The following ECT2L variants were observed in gnomAD, a reference collection of about 807,000 sequenced individuals.
The protein encoded by ECT2L is epithelial cell transforming 2 like.
In ECT2L, 126 loss-of-function variants were observed where a neutral mutation model predicts 122.8. That is an observed-to-expected ratio of 1.03 (90% CI 0.89 to 1.19). The LOEUF (loss-of-function observed/expected upper bound fraction) is 1.19. ECT2L is among the 50% of genes most tolerant of loss of function. The pLI is 0.00. For synonymous variants in ECT2L, 385 were observed against 381.8 expected, an observed-to-expected ratio of 1.01 and a Z score of -0.10; for missense variants, 1,012 against 1,064.1, an observed-to-expected ratio of 0.95 and a Z score of 0.68.
chr6:138,897,335 T>C (rs1779249920), intron 20 of ECT2L, among the ~76,000 whole-genome samples: 2 of 152,084 alleles, frequency 1.3e-5, no homozygotes. Flanking sequence ...AATAAATAAA[T>C]ACAATTAAAA....
chr6:138,823,939 GA>G (rs1422714904), intron 4 of ECT2L: 1 of 455,534 alleles, frequency 2.2e-6, no homozygotes, highest in African/African-American at 2.2e-5. Context: ...GGGGAAGGGG[GA>G]GAAATAAAAG....
chr6:138,865,525 C>T (rs886187993), intron 12 of ECT2L, among the ~76,000 whole-genome samples: 2 of 152,156 alleles, frequency 1.3e-5, no homozygotes, highest in African/African-American at 4.8e-5. Context: ...GCCTCTTATA[C>T]CCCAGCACCT....
At chr6:138,836,157 ATT>A (rs754469815) in intron 4 of ECT2L, among the ~76,000 whole-genome samples, 5 of 151,932 alleles carry the variant, frequency 3.3e-5, no homozygotes, top group Non-Finnish European at 5.9e-5. Context: ...CTAATTAAGT[ATT>A]TTGTACTTAA....
intron 5 of ECT2L, among the ~76,000 whole-genome samples, chr6:138,840,577 G>A (rs905583974): frequency 3.9e-5 from 5 of 127,274 alleles, no homozygotes; most frequent in African/African-American, 1.4e-4. Flanking sequence ...TAAATTCTAG[G>A]TTGGCAGCTA....
chr6:138,881,902 T>C lies in ECT2L; in HGVS notation c.1880+731T>C, dbSNP rs1017027735. 2.0e-5 allele frequency among the ~76,000 whole-genome samples: 3 copies of C among 152,170 alleles called. No individual in the cohort carries two copies. In the South Asian group the frequency reaches 6.2e-4, roughly 31 times the overall value. On this transcript the variant is annotated intron_variant, in intron 15 of 21. Transcript: ENST00000541398. ...TCCTAACAGGCCACAGACTGGTACCTATCCATGGCCTGGGGGTTGGGAACC... is the reference window on the plus strand; with the variant it reads ...TCCTAACAGGCCACAGACTGGTACCCATCCATGGCCTGGGGGTTGGGAACC...
chr6:138,877,650 C>T (rs115577369), intron 14 of ECT2L, among the ~76,000 whole-genome samples: 1,523 of 152,174 alleles, frequency 0.01, 27 homozygotes, highest in African/African-American at 0.035. Context: ...GGAAAATAAA[C>T]AAGAAGAGTT....
chr6:138,875,595 G>A (rs1392131702), intron 13 of ECT2L, among the ~76,000 whole-genome samples: 1 of 152,214 alleles, frequency 6.6e-6, no homozygotes, highest in Non-Finnish European at 1.5e-5. Flanking sequence ...TTAAAAAAAT[G>A]TGCTAAGTTT....
At chr6:138,895,074 C>T (rs928456892) in intron 20 of ECT2L, among the ~76,000 whole-genome samples, 1 of 151,930 alleles carries the variant, frequency 6.6e-6, no homozygotes, top group African/African-American at 2.4e-5. Flanking sequence ...GCCTAGGCAA[C>T]ATAGTTGGAC....
intron 4 of ECT2L, among the ~76,000 whole-genome samples, chr6:138,817,722 TATG>T (rs1172586458): frequency 6.6e-6 from 1 of 152,228 alleles, no homozygotes; most frequent in East Asian, 1.9e-4. Flanking sequence ...AGTGGAATTT[TATG>T]ATATTTAAGA....
At chr6:138,848,855 A>G (rs992008295) in intron 8 of ECT2L, among the ~76,000 whole-genome samples, 2 of 152,160 alleles carry the variant, frequency 1.3e-5, no homozygotes, top group Admixed American at 6.6e-5. Flanking sequence ...GGGTTTCCTC[A>G]TGTTGCCCAG....
intron 4 of ECT2L, among the ~76,000 whole-genome samples, chr6:138,815,395 G>C (rs1336807751): frequency 6.6e-6 from 1 of 152,212 alleles, no homozygotes; most frequent in Non-Finnish European, 1.5e-5. Flanking sequence ...AAATATTCTA[G>C]AGAGCCCTCC....
intron 4 of ECT2L, among the ~76,000 whole-genome samples, chr6:138,830,005 T>G (rs1776593280): frequency 6.6e-6 from 1 of 152,208 alleles, no homozygotes; most frequent in Admixed American, 6.5e-5. Context: ...ATTACAGGCG[T>G]GAGCCACCGC....
At chr6:138,859,205 A>G (rs998526020) in intron 10 of ECT2L, among the ~76,000 whole-genome samples, 2 of 152,242 alleles carry the variant, frequency 1.3e-5, no homozygotes, top group East Asian at 3.9e-4. Flanking sequence ...TTCAATCATT[A>G]TTTTAGATTT....
chr6:138,799,838 A>C (rs1775479626), intron 1 of ECT2L, among the ~76,000 whole-genome samples: 1 of 152,206 alleles, frequency 6.6e-6, no homozygotes, highest in Non-Finnish European at 1.5e-5. Context: ...AGTGTGAGCC[A>C]CTGCATGCCG....
chr6:138,891,173 T>C (rs1289378182), intron 20 of ECT2L, among the ~76,000 whole-genome samples: 3 of 152,210 alleles, frequency 2.0e-5, no homozygotes, highest in Non-Finnish European at 2.9e-5. Flanking sequence ...AATGAACTCC[T>C]TGTAGAAGTA....
At position 138,813,260 on chromosome 6, in the gene ECT2L, T is replaced by C. The variant is rs1775959158; in HGVS notation, c.-15T>C. On this transcript the variant is annotated 5_prime_UTR_variant, in exon 3 of 22. Coordinates refer to ENST00000541398, the MANE Select transcript of ECT2L (RefSeq NM_001077706.3). Reference sequence around the variant, plus strand: ...TGAGACGTCAGCTGGGGATTCTTCCTGGAGAACTCCAGAAATGGAGAGCTT... The same window carrying C: ...TGAGACGTCAGCTGGGGATTCTTCCCGGAGAACTCCAGAAATGGAGAGCTT... The C allele has an allele frequency of 6.2e-7, 1 of 1,604,554 alleles. No homozygotes were observed. Among genetic ancestry groups the C allele is most frequent in the African/African-American group, 1.3e-5 (1 of 74,266 alleles).
chr6:138,820,548 G>A (rs1355349218), intron 4 of ECT2L, among the ~76,000 whole-genome samples: 2 of 151,872 alleles, frequency 1.3e-5, no homozygotes, highest in African/African-American at 2.4e-5. Context: ...ACAGTGAAAG[G>A]AAGAAAAATA....
intron 4 of ECT2L, among the ~76,000 whole-genome samples, chr6:138,821,635 T>C (rs898511430): frequency 2.0e-5 from 3 of 152,176 alleles, no homozygotes; most frequent in Non-Finnish European, 2.9e-5. Context: ...TACATAAGGG[T>C]AAGTAAATGA....
chr6:138,823,109 A>G lies in ECT2L; in HGVS notation c.179+8506A>G. On this transcript the variant is annotated intron_variant, in intron 4 of 21. Transcript: ENST00000541398. ...AAATAACTTCAGCCTTGTACACACTAAACTTTGTCTCTGGAATGCAGTTTC... is the reference window on the plus strand; with the variant it reads ...AAATAACTTCAGCCTTGTACACACTGAACTTTGTCTCTGGAATGCAGTTTC... The G allele has an allele frequency of 2.6e-6, 4 of 1,515,864 alleles. 1 individual carries two copies. The highest frequency in any genetic ancestry group is 3.6e-6 in the Non-Finnish European group (4 of 1,113,172). The allele number at this position is 1,515,864 out of a possible 1,614,324, so 93.9% of individuals were successfully genotyped here. A position where few individuals can be genotyped will look rare whatever the true frequency, so the allele number is the denominator to read the frequency against.
Sources: gnomAD v4.1 joint callset for allele counts (sites outside exome capture counted in the v4.1 genomes callset) on GRCh38, gnomAD v4.1.1 for gene constraint, MANE v1.5 for transcripts, NCBI Gene and HGNC (gene_info 2026-07-23, HGNC 2026-07-21) for gene names.